LUC7L: variants seen among roughly 807,000 people sequenced by gnomAD.
LUC7L encodes the protein LUC7 like, also known as putative RNA-binding protein Luc7-like 1.
LUC7L carries 29 observed loss-of-function variants against 51.1 expected under a neutral mutation model. That is an observed-to-expected ratio of 0.57 (90% CI 0.42 to 0.77). The LOEUF (loss-of-function observed/expected upper bound fraction) is 0.77. Among genes scored for constraint, LUC7L ranks in the 30% least tolerant of loss-of-function variants. The probability of loss-of-function intolerance (pLI) is 0.00; values close to 1 mark genes in which losing one functional copy is unlikely to be tolerated. For missense variants in LUC7L, 403 were observed against 511.9 expected, an observed-to-expected ratio of 0.79 and a Z score of 2.05; for synonymous variants, 181 against 180.7, an observed-to-expected ratio of 1.00 and a Z score of -0.01.
chr16:202,831 T>C (rs111509835), intron 5 of LUC7L, among the ~76,000 whole-genome samples: 4 of 152,086 alleles, frequency 2.6e-5, no homozygotes, highest in African/African-American at 9.7e-5. Flanking sequence ...ACAAAAGCGA[T>C]AAACTAGATG....
intron 3 of LUC7L, among the ~76,000 whole-genome samples, chr16:214,042 TTG>T (rs1258509279): frequency 6.7e-6 from 1 of 149,724 alleles, no homozygotes; most frequent in Non-Finnish European, 1.5e-5. Flanking sequence ...GCTTTATATT[TTG>T]TGTCTTTGTT....
At chr16:220,143 A>G (rs1384027455) in intron 3 of LUC7L, 1 of 152,494 alleles carries the variant, frequency 6.6e-6, no homozygotes, top group African/African-American at 2.4e-5. Context: ...AATATACCCA[A>G]AATAAATCCT....
At position 198,555 on chromosome 16, in the gene LUC7L, T is replaced by G. The variant is rs908688766; in HGVS notation, c.687+507A>C. 4.6e-5 allele frequency among the ~76,000 whole-genome samples: 7 copies of G among 152,296 alleles called. No individual in the cohort carries two copies. In the Middle Eastern group the frequency reaches 0.02, roughly 444 times the overall value. ...AACAGGCTCTGCCATTTTCTTCCCT[T>G]AACGACAGGGTCCAAAATAAATCTC... On this transcript the variant is annotated intron_variant, in intron 6 of 9. Transcript: ENST00000293872.
intron 6 of LUC7L, among the ~76,000 whole-genome samples, chr16:195,567 G>A (rs1308279245): frequency 2.6e-5 from 4 of 152,132 alleles, no homozygotes; most frequent in African/African-American, 9.7e-5. Context: ...GGACCTACAG[G>A]CACACACCAC....
At chr16:224,308 C>G (rs953278240) in intron 2 of LUC7L, among the ~76,000 whole-genome samples, 1 of 150,648 alleles carries the variant, frequency 6.6e-6, no homozygotes, top group Non-Finnish European at 1.5e-5. Flanking sequence ...CACCTTAGGT[C>G]AGAAGTTCGT....
At chr16:222,886 T>G (rs1285180337) in intron 2 of LUC7L, among the ~76,000 whole-genome samples, 2 of 144,358 alleles carry the variant, frequency 1.4e-5, no homozygotes, top group African/African-American at 5.1e-5. Flanking sequence ...CACCTTGGCC[T>G]CTCAAAGTGC....
intron 9 of LUC7L, 154 bp downstream of exon 9, chr16:189,814 C>CT: frequency 1.4e-6 from 2 of 1,437,572 alleles, no homozygotes; most frequent in Non-Finnish European, 1.8e-6. Context: ...CCTCTCGCCT[C>CT]TTCCCACACC....
chr16:222,865 G>C (rs1035500799), intron 2 of LUC7L, among the ~76,000 whole-genome samples: 1 of 149,216 alleles, frequency 6.7e-6, no homozygotes, highest in African/African-American at 2.5e-5. Flanking sequence ...GCTGACCTCA[G>C]GTGATCCACC....
chr16:221,428 G>A (rs555454866), intron 2 of LUC7L, among the ~76,000 whole-genome samples: 35 of 152,130 alleles, frequency 2.3e-4, no homozygotes, highest in South Asian at 8.3e-4. Flanking sequence ...AGGGCTGGGC[G>A]TGGTGGCTCA....
intron 5 of LUC7L, among the ~76,000 whole-genome samples, chr16:200,349 G>A (rs981119209): frequency 2.6e-5 from 4 of 152,038 alleles, no homozygotes; most frequent in South Asian, 4.2e-4. Flanking sequence ...GCGTGAACCC[G>A]GCAGGCGGAG....
At chr16:206,266 C>A in intron 4 of LUC7L, 119 bp from the exon 5 acceptor site, 4 of 988,894 alleles carry the variant, frequency 4.0e-6, no homozygotes, top group Non-Finnish European at 4.6e-6. Flanking sequence ...TAAAGATCCA[C>A]ACTTAACAAT....
At chr16:224,542 T>G (rs1269271606) in intron 2 of LUC7L, among the ~76,000 whole-genome samples, 1 of 147,038 alleles carries the variant, frequency 6.8e-6, no homozygotes, top group African/African-American at 2.5e-5. Flanking sequence ...AAAGAAAACC[T>G]CATGAGGCCA....
At chr16:228,333 G>A (rs984093588) in intron 1 of LUC7L, 1 of 1,303,890 alleles carries the variant, frequency 7.7e-7, no homozygotes, top group African/African-American at 1.5e-5. Flanking sequence ...TGTGACTCAC[G>A]GCTCGATGAA....
intron 9 of LUC7L, 191 bp downstream of exon 9, chr16:189,777 C>T: frequency 7.1e-7 from 1 of 1,417,604 alleles, no homozygotes; most frequent in East Asian, 2.5e-5. Context: ...AGCCCATCAC[C>T]TGGCGCCGTG....
At chr16:201,735 GGCT>G (rs1486455114) in intron 5 of LUC7L, among the ~76,000 whole-genome samples, 2 of 130,694 alleles carry the variant, frequency 1.5e-5, no homozygotes, top group African/African-American at 6.1e-5. Context: ...CACCGCACCA[GGCT>G]TTTTTTTTTT....
chr16:226,684 C>T (rs1164138999), intron 2 of LUC7L, among the ~76,000 whole-genome samples: 2 of 152,184 alleles, frequency 1.3e-5, no homozygotes, highest in Non-Finnish European at 2.9e-5. Flanking sequence ...CAAACCCACG[C>T]AGAATCTTCA....
intron 3 of LUC7L, among the ~76,000 whole-genome samples, chr16:213,777 C>A (rs1391663583): frequency 6.6e-6 from 1 of 151,654 alleles, no homozygotes; most frequent in African/African-American, 2.4e-5. Context: ...TGCAGTGGCG[C>A]AATCTCGGCT....
chr16:207,690 A>G (rs1170099205), intron 4 of LUC7L, among the ~76,000 whole-genome samples: 2 of 152,180 alleles, frequency 1.3e-5, no homozygotes, highest in African/African-American at 4.8e-5. Context: ...TACTGTCCAC[A>G]CAATCAGTGC....
intron 7 of LUC7L, among the ~76,000 whole-genome samples, chr16:192,270 C>G (rs1275740695): frequency 6.6e-6 from 1 of 152,162 alleles, no homozygotes; most frequent in Non-Finnish European, 1.5e-5. Context: ...TCCCACCTAG[C>G]TCCCCAAGGT....
Sources: allele counts gnomAD v4.1 joint callset (sites outside exome capture counted in the v4.1 genomes callset), GRCh38; gene constraint gnomAD v4.1.1; transcripts MANE v1.5; gene names NCBI Gene and HGNC (gene_info 2026-07-23, HGNC 2026-07-21).